The following TOX3 variants were observed in gnomAD, a reference collection of about 807,000 sequenced individuals.
The protein encoded by TOX3 is CAG trinucleotide repeat-containing gene F9 protein.
A neutral mutation model predicts 64.3 loss-of-function variants in TOX3; 22 were observed. The observed-to-expected ratio is 0.34, with a 90% CI of 0.24 to 0.49. The LOEUF is 0.49. TOX3 is among the 20% of genes least tolerant of loss of function. The probability of loss-of-function intolerance (pLI) is 0.99; values close to 1 mark genes in which losing one functional copy is unlikely to be tolerated. For synonymous variants in TOX3, 291 were observed against 273.6 expected (o/e 1.06, Z -0.63); for missense variants, 661 against 714.4 (o/e 0.93, Z 0.85).
At chr16:52,453,569 T>G (rs1379573679) in intron 3 of TOX3, among the ~76,000 whole-genome samples, 5 of 152,196 alleles carry the variant, frequency 3.3e-5, no homozygotes, top group Admixed American at 2.0e-4. Context: ...CACATTTAAA[T>G]GAAGTATTTT....
rs1466823236 is a variant in TOX3, at chr16:52,468,576, T to A, written c.88-2A>T. ...CATATAGTTATTATTATTTCCAAAC[T>A]GAAAGAAAACAGATTGTTTTACGTT... On this transcript the variant is annotated splice_acceptor_variant, in intron 1 of 6. Coordinates refer to ENST00000219746, the MANE Select transcript of TOX3 (RefSeq NM_001080430.4). LOFTEE classifies it high-confidence loss of function. The A allele has an allele frequency of 6.2e-7, 1 of 1,609,590 alleles. No individual in the cohort carries two copies. The highest frequency in any genetic ancestry group is 1.3e-5 in the African/African-American group (1 of 74,766).
At chr16:52,492,399 CA>C (rs2151458387) in intron 1 of TOX3, among the ~76,000 whole-genome samples, 1 of 144,770 alleles carries the variant, frequency 6.9e-6, no homozygotes, top group East Asian at 2.0e-4. Flanking sequence ...CAACAATTAT[CA>C]AATATTATCA....
intron 1 of TOX3, among the ~76,000 whole-genome samples, chr16:52,485,891 C>T (rs887648903): frequency 6.6e-6 from 1 of 152,010 alleles, no homozygotes; most frequent in Non-Finnish European, 1.5e-5. Flanking sequence ...GGGAGAAGAG[C>T]CATCAAGGAA....
intron 1 of TOX3, among the ~76,000 whole-genome samples, chr16:52,508,090 C>T (rs192958813): frequency 2.0e-5 from 3 of 152,298 alleles, no homozygotes; most frequent in African/African-American, 7.2e-5. Context: ...CATAGCAGGA[C>T]ACCTGTAAGT....
intron 1 of TOX3, among the ~76,000 whole-genome samples, chr16:52,471,533 G>A (rs1407014093): frequency 6.6e-6 from 1 of 152,110 alleles, no homozygotes; most frequent in African/African-American, 2.4e-5. Context: ...AAACCCCATA[G>A]GTCCATGGGG....
At chr16:52,547,370 C>T (rs1161473860), upstream of TOX3, 1 of 149,368 alleles carries the variant, frequency 6.7e-6, no homozygotes, top group African/African-American at 2.5e-5. Flanking sequence ...CTCCCTACCT[C>T]GCCCCCCTTC....
intron 1 of TOX3, among the ~76,000 whole-genome samples, chr16:52,472,752 T>C (rs1961085160): frequency 6.6e-6 from 1 of 152,196 alleles, no homozygotes; most frequent in Admixed American, 6.5e-5. Flanking sequence ...CAATTCCAAC[T>C]GTTTTAAAGA....
chr16:52,491,372 G>A (rs1349660619), intron 1 of TOX3, among the ~76,000 whole-genome samples: 1 of 152,074 alleles, frequency 6.6e-6, no homozygotes, highest in African/African-American at 2.4e-5. Flanking sequence ...TAAGCTGTGA[G>A]CGCCCCCAGT....
chr16:52,473,202 C>T (rs924148930), intron 1 of TOX3, among the ~76,000 whole-genome samples: 1 of 152,080 alleles, frequency 6.6e-6, no homozygotes, highest in African/African-American at 2.4e-5. Flanking sequence ...CAGACAAAAA[C>T]CCATCTGTAA....
chr16:52,471,499 C>A (rs17537116), intron 1 of TOX3, among the ~76,000 whole-genome samples: 3,897 of 152,220 alleles, frequency 0.026, 67 homozygotes, highest in Middle Eastern at 0.082. Flanking sequence ...GAGGCAGTGA[C>A]ATCAGTAAAC....
At chr16:52,466,055 C>T (rs779580979) in intron 2 of TOX3, among the ~76,000 whole-genome samples, 1 of 152,192 alleles carries the variant, frequency 6.6e-6, no homozygotes, top group East Asian at 1.9e-4. Flanking sequence ...TTGCATTTGC[C>T]GTTATTTTGG....
chr16:52,453,633 T>A (rs527587934), intron 3 of TOX3, among the ~76,000 whole-genome samples: 2 of 152,374 alleles, frequency 1.3e-5, no homozygotes, highest in South Asian at 4.1e-4. Flanking sequence ...TGAAATGTGA[T>A]CATCTGATTT....
In TOX3 at chr16:52,439,600, TTGCTGCTGCTGC is replaced by T; in HGVS notation, c.1344_1355del (p.Gln452_Gln455del). The T allele has an allele frequency of 6.3e-7, 1 of 1,598,998 alleles. No homozygotes were observed. The highest frequency in any genetic ancestry group is 8.6e-7 in the Non-Finnish European group (1 of 1,169,120). On this transcript the variant is annotated inframe_deletion, in exon 7 of 7. Coordinates refer to ENST00000219746, the MANE Select transcript of TOX3 (RefSeq NM_001080430.4). ...GCTGCATCTGTTGCATCTGTTGTTG[TTGCTGCTGCTGC>T]TGCTGCTGCAATTGCATCTGATGCT...
chr16:52,519,663 A>C, intron 1 of TOX3: 1 of 1,297,770 alleles, frequency 7.7e-7, no homozygotes, highest in South Asian at 1.8e-5. Context: ...ACCAAGCAAG[A>C]AGTAGTAGAA....
At chr16:52,490,543 C>T (rs955652995) in intron 1 of TOX3, among the ~76,000 whole-genome samples, 5 of 150,790 alleles carry the variant, frequency 3.3e-5, no homozygotes, top group Non-Finnish European at 1.5e-5. Flanking sequence ...AAGGGGGAAC[C>T]AAAAAGTATA....
chr16:52,539,552 C>T (rs896656554), intron 1 of TOX3, among the ~76,000 whole-genome samples: 7 of 152,220 alleles, frequency 4.6e-5, no homozygotes, highest in African/African-American at 1.7e-4. Context: ...ATTGGCAACA[C>T]CAGCCAATCC....
chr16:52,463,534 G>GT (rs1437359504), intron 3 of TOX3, among the ~76,000 whole-genome samples: 1 of 152,058 alleles, frequency 6.6e-6, no homozygotes, highest in East Asian at 1.9e-4. Context: ...ATCGTGTATC[G>GT]TAAGCATTAT....
At chr16:52,514,799 C>T (rs1962403354) in intron 1 of TOX3, among the ~76,000 whole-genome samples, 1 of 152,152 alleles carries the variant, frequency 6.6e-6, no homozygotes, top group South Asian at 2.1e-4. Context: ...ATCACGAGAT[C>T]AGGAGATCAA....
At chr16:52,509,581 G>A (rs936189087) in intron 1 of TOX3, among the ~76,000 whole-genome samples, 6 of 152,058 alleles carry the variant, frequency 3.9e-5, no homozygotes, top group Admixed American at 6.5e-5. Context: ...CTCTATCCAC[G>A]TTCTTTCAAA....
Sources: gnomAD v4.1 joint callset for allele counts (sites outside exome capture counted in the v4.1 genomes callset) on GRCh38, gnomAD v4.1.1 for gene constraint, MANE v1.5 for transcripts, NCBI Gene and HGNC (gene_info 2026-07-23, HGNC 2026-07-21) for gene names.